The following KCNK15 variants were observed in gnomAD, a reference collection of about 807,000 sequenced individuals.
KCNK15 encodes potassium channel subfamily K member 15.
KCNK15 carries 9 observed loss-of-function variants against 8.5 expected under a neutral mutation model. The observed-to-expected ratio is 1.06, with a 90% CI of 0.64 to 1.85. The LOEUF (loss-of-function observed/expected upper bound fraction) is 1.85. Ranked by LOEUF, KCNK15 falls within the 40% of genes most tolerant of loss-of-function variation. The pLI is 0.00. For missense variants in KCNK15, 467 were observed against 476.8 expected (o/e 0.98, Z 0.19); for synonymous variants, 224 against 232.7 (o/e 0.96, Z 0.34).
chr20:44,745,955 C>A lies in KCNK15; in HGVS notation c.45C>A (p.Thr15=). The A allele has an allele frequency of 6.9e-7, 1 of 1,445,864 alleles. No homozygotes were observed. The highest frequency in any genetic ancestry group is 9.1e-7 in the Non-Finnish European group (1 of 1,098,392). 89.6% of individuals were successfully genotyped at this position (1,445,864 alleles called of 1,614,324 possible). Residue 15 remains threonine (T), a synonymous_variant, in exon 1 of 2, where the codon ACC becomes ACA. Coordinates refer to ENST00000372861, the MANE Select transcript of KCNK15 (RefSeq NM_022358.4). ...GCGCGGCCGGGCTGGTCCTGTGCAC[C>A]CTGTGTTACCTGCTGGTGGGCGCTG... ...SVRAAGLVLC[T]LCYLLVGAAV...
At position 44,750,627 on chromosome 20, in the gene KCNK15, C is replaced by CTA; in HGVS notation, c.782_783insTA (p.Ser262ThrfsTer104). The CTA allele has an allele frequency of 6.3e-7, 1 of 1,586,962 alleles. No homozygotes were observed. The highest frequency in any genetic ancestry group is 8.5e-7 in the Non-Finnish European group (1 of 1,172,766). ...TGGCCCGAGCGCGCTGCCCGCACCC[C>CTA]CAGCCCGCGCCCCCCGGGGGCGCCC... is the stretch of plus-strand genomic sequence containing the variant. On this transcript the variant is annotated frameshift_variant, in exon 2 of 2. Transcript: ENST00000372861. LOFTEE classifies it low-confidence loss of function (END_TRUNC).
Position 44,746,105 on chromosome 20 carries a change from G to A in KCNK15, c.195G>A (p.Leu65=). The A allele has an allele frequency of 6.7e-7, 1 of 1,500,260 alleles. No homozygotes were observed. The highest frequency in any genetic ancestry group is 2.7e-5 in the East Asian group (1 of 37,328). 92.9% of individuals were successfully genotyped at this position (1,500,260 alleles called of 1,614,324 possible). ...SAEDYRELER[L]ALQAEPHRAG... Reference sequence around the variant, plus strand: ...AGGACTACCGCGAGCTGGAGCGCCTGGCGCTCCAGGCTGAGCCCCACCGCG... The same window carrying A: ...AGGACTACCGCGAGCTGGAGCGCCTAGCGCTCCAGGCTGAGCCCCACCGCG... The change falls in exon 1 of 2, where the codon CTG becomes CTA. Residue 65 remains leucine (L), a synonymous_variant. Coordinates refer to ENST00000372861, the MANE Select transcript of KCNK15 (RefSeq NM_022358.4).
intron 1 of KCNK15, chr20:44,747,092 A>G (rs540166256): frequency 6.6e-6 from 1 of 152,370 alleles, no homozygotes; most frequent in African/African-American, 2.4e-5. Context: ...GGCTTGGATC[A>G]CCAGTCCGAA....
intron 1 of KCNK15, among the ~76,000 whole-genome samples, chr20:44,747,437 C>A (rs1388174205): frequency 1.3e-5 from 2 of 152,172 alleles, no homozygotes; most frequent in Admixed American, 1.3e-4. Flanking sequence ...AGCTCTTATT[C>A]AGCTCTTTTG....
Position 44,750,169 on chromosome 20 carries a change from C to T in KCNK15, c.324C>T (p.Val108=), listed in dbSNP as rs773432494. Residue 108 remains valine, a synonymous_variant, in exon 2 of 2, where the codon GTC becomes GTT. Transcript: ENST00000372861. ...CGCCGGGTACGGACTCCGGCAAGGTCTTCTGCATGTTCTACGCGCTCCTGG... is the reference window on the plus strand; with the variant it reads ...CGCCGGGTACGGACTCCGGCAAGGTTTTCTGCATGTTCTACGCGCTCCTGG... The part of the protein sequence containing the change: ...HAAPGTDSGK[V]FCMFYALLGI... 1 of 1,612,642 alleles carries T rather than the reference C, an allele frequency of 6.2e-7. No individual in the cohort carries two copies. The highest frequency in any genetic ancestry group is 2.2e-5 in the East Asian group (1 of 44,864).
Position 44,751,445 on chromosome 20 carries a change from CCCA to C in KCNK15, c.*609_*611del, listed in dbSNP as rs1179228354. 7 of 152,336 alleles carry C rather than the reference CCCA, an allele frequency of 4.6e-5. No homozygotes were observed. Among genetic ancestry groups the C allele is most frequent in the African/African-American group, 1.7e-4 (7 of 41,436 alleles). The allele number at this position is 152,336 out of a possible 1,614,324, so 9.4% of individuals were successfully genotyped here. A position where few individuals can be genotyped will look rare whatever the true frequency, so the allele number is the denominator to read the frequency against. The stretch of plus-strand genomic sequence containing the variant: ...CTGATGCTCTTTGTCCCTGGCCAGC[CCCA>C]CTTCAGGATGAGGGAGGCCTTGCTG... On this transcript the variant is annotated 3_prime_UTR_variant, in exon 2 of 2. Coordinates refer to ENST00000372861, the MANE Select transcript of KCNK15 (RefSeq NM_022358.4).
At chr20:44,747,463 A>G (rs981170937) in intron 1 of KCNK15, among the ~76,000 whole-genome samples, 2 of 152,146 alleles carry the variant, frequency 1.3e-5, no homozygotes, top group Admixed American at 1.3e-4. Context: ...TCCTGTCCAC[A>G]TGGACACCCC....
chr20:44,748,838 T>G (rs1221548224), intron 1 of KCNK15, among the ~76,000 whole-genome samples: 1 of 152,184 alleles, frequency 6.6e-6, no homozygotes, highest in Non-Finnish European at 1.5e-5. Context: ...ACTCTCTAGA[T>G]GCCAGTAGCA....
chr20:44,751,028 G>A lies in KCNK15; in HGVS notation c.*190G>A. The stretch of plus-strand genomic sequence containing the variant: ...AAAATATATTACAGTCACACCATAA[G>A]CACAAACCAGGCTCCAGGGTCACCC... On this transcript the variant is annotated 3_prime_UTR_variant, in exon 2 of 2. Transcript: ENST00000372861. The A allele has an allele frequency of 2.4e-6, 1 of 425,510 alleles. No individual in the cohort carries two copies. The highest frequency in any genetic ancestry group is 2.1e-5 in the African/African-American group (1 of 48,014). 26.4% of individuals were successfully genotyped at this position (425,510 alleles called of 1,614,324 possible).
intron 1 of KCNK15, among the ~76,000 whole-genome samples, chr20:44,748,600 T>A (rs2066016613): frequency 6.6e-6 from 1 of 152,222 alleles, no homozygotes; most frequent in Non-Finnish European, 1.5e-5. Context: ...CTGGATATAT[T>A]CTCTGCCTAT....
At position 44,750,699 on chromosome 20, in the gene KCNK15, G is replaced by C. The variant is rs757819375; in HGVS notation, c.854G>C (p.Gly285Ala). Residue 285 changes from glycine to alanine, a missense_variant, in exon 2 of 2, where the codon GGC (glycine) becomes GCC (alanine). By Grantham distance (60) the Gly-to-Ala change is moderately conservative. Transcript: ENST00000372861. ...WLPRRPARSV[G>A]SASVFCHVHK... ...CCCCGCCGCCCGGCCCGCTCCGTGG[G>C]CTCCGCCTCTGTCTTCTGCCACGTG... is the stretch of plus-strand genomic sequence containing the variant. The C allele has an allele frequency of 1.3e-5, 20 of 1,503,038 alleles. 1 individual carries two copies. The highest frequency in any genetic ancestry group is 6.2e-5 in the South Asian group (5 of 80,586). The allele number at this position is 1,503,038 out of a possible 1,614,324, so 93.1% of individuals were successfully genotyped here. A position where few individuals can be genotyped will look rare whatever the true frequency, so the allele number is the denominator to read the frequency against.
chr20:44,750,345 G>T lies in KCNK15; in HGVS notation c.500G>T (p.Cys167Phe). ...CTGGTGGTGGCCGGGCTGCTGGCGT[G>T]TGCCGCCACCCTGGCCCTCGGGGCC... is the stretch of plus-strand genomic sequence containing the variant. ...ENLVVAGLLA[C>F]AATLALGAVA... The change falls in exon 2 of 2, where the codon TGT becomes TTT. Residue 167 changes from cysteine to phenylalanine, a missense_variant. Physicochemically the swap from Cys to Phe is radical, Grantham distance 205 (BLOSUM62 -2). Transcript: ENST00000372861. The T allele has an allele frequency of 6.2e-7, 1 of 1,612,306 alleles. No homozygotes were observed. Among genetic ancestry groups the T allele is most frequent in the Non-Finnish European group, 8.5e-7 (1 of 1,179,568 alleles).
rs1458292650 is a variant in KCNK15, at chr20:44,750,035, G to A, written c.284-94G>A. ...GAGATGCCCTTCCAGCCCCGGGGAC[G>A]GGGAGGGACACGCCGGGCAGGCAGG... is the stretch of plus-strand genomic sequence containing the variant. On this transcript the variant is annotated intron_variant, in intron 1 of 1. Coordinates refer to ENST00000372861, the MANE Select transcript of KCNK15 (RefSeq NM_022358.4). 3.4e-6 allele frequency: 4 copies of A among 1,178,696 alleles called. No homozygotes were observed. In the East Asian group the frequency reaches 7.6e-5, roughly 22 times the overall value. 73.0% of individuals were successfully genotyped at this position (1,178,696 alleles called of 1,614,324 possible).
At position 44,750,680 on chromosome 20, in the gene KCNK15, C is replaced by T. The variant is rs529004382; in HGVS notation, c.835C>T (p.Arg279Cys). Residue 279 changes from arginine to cysteine, a missense_variant, in exon 2 of 2, where the codon CGC (arginine) becomes TGC (cysteine). Physicochemically the swap from Arg to Cys is radical, Grantham distance 180. Transcript: ENST00000372861. Reference protein sequence around the residue: ...PESRGLWLPRRPARSVGSASV... With the variant: ...PESRGLWLPRCPARSVGSASV... ...GAGCCGTGGCCTCTGGCTGCCCCGC[C>T]GCCCGGCCCGCTCCGTGGGCTCCGC... is the stretch of plus-strand genomic sequence containing the variant. 1,084 of 1,481,296 alleles carry T rather than the reference C, an allele frequency of 7.3e-4. 13 individuals are homozygous for T. In the South Asian group the frequency reaches 0.013, roughly 18 times the overall value. The allele number at this position is 1,481,296 out of a possible 1,614,324, so 91.8% of individuals were successfully genotyped here. A position where few individuals can be genotyped will look rare whatever the true frequency, so the allele number is the denominator to read the frequency against.
At chr20:44,747,635 G>A (rs1323473396) in intron 1 of KCNK15, among the ~76,000 whole-genome samples, 1 of 152,254 alleles carries the variant, frequency 6.6e-6, no homozygotes, top group East Asian at 1.9e-4. Flanking sequence ...ACGTCTGGGA[G>A]GCTGATGTAA....
chr20:44,750,411 CCTA>C lies in KCNK15; in HGVS notation c.575_577del (p.Tyr192del), dbSNP rs1213460506. 3 of 1,613,908 alleles carry C rather than the reference CCTA, an allele frequency of 1.9e-6. No individual in the cohort carries two copies. Among genetic ancestry groups the C allele is most frequent in the East Asian group, 2.2e-5 (1 of 44,890 alleles). ...TTCGAGGGCTGGACCTTCTTCCACG[CCTA>C]CTACTACTGCTTCATCACCCTCACC... On this transcript the variant is annotated inframe_deletion, in exon 2 of 2. Coordinates refer to ENST00000372861, the MANE Select transcript of KCNK15 (RefSeq NM_022358.4).
In KCNK15 at chr20:44,746,088, C is replaced by A. The variant is rs752597034; in HGVS notation, c.178C>A (p.Arg60Ser). ...RKFGFSAEDY[R>S]ELERLALQAE... is the part of the protein sequence containing the mutation. ...GTTCGGCTTCTCGGCCGAGGACTAC[C>A]GCGAGCTGGAGCGCCTGGCGCTCCA... is the stretch of plus-strand genomic sequence containing the variant. Residue 60 changes from arginine (R) to serine (S), a missense_variant, in exon 1 of 2, where the codon CGC (arginine) becomes AGC (serine). Around this residue, in one of 2 missense-constraint regions of KCNK15, gnomAD observed 455 missense variants for 441.2 expected, o/e 1.03. Coordinates refer to ENST00000372861, the MANE Select transcript of KCNK15 (RefSeq NM_022358.4). The A allele has an allele frequency of 5.9e-6, 9 of 1,534,568 alleles. No homozygotes were observed. The Middle Eastern group carries it at 5.9e-4, about 100-fold the overall frequency.
chr20:44,746,370 C>G (rs2066008065), intron 1 of KCNK15, among the ~76,000 whole-genome samples, 177 bp downstream of exon 1: 2 of 152,330 alleles, frequency 1.3e-5, no homozygotes, highest in African/African-American at 4.8e-5. Flanking sequence ...CTCCTTTGCC[C>G]CCCTCTGCTG....
At position 44,750,966 on chromosome 20, in the gene KCNK15, A is replaced by T. The variant is rs2066029415; in HGVS notation, c.*128A>T. 3 of 601,396 alleles carry T rather than the reference A, an allele frequency of 5.0e-6. No homozygotes were observed. Among genetic ancestry groups the T allele is most frequent in the Middle Eastern group, 7.4e-4 (2 of 2,702 alleles). The allele number at this position is 601,396 out of a possible 1,614,324, so 37.3% of individuals were successfully genotyped here. ...GGTCTTCTGCCACGAGCAGTTTCTCATTACTGTCTGTGGCTAAGTCCCCTC... is the reference window on the plus strand; with the variant it reads ...GGTCTTCTGCCACGAGCAGTTTCTCTTTACTGTCTGTGGCTAAGTCCCCTC... On this transcript the variant is annotated 3_prime_UTR_variant, in exon 2 of 2. Coordinates refer to ENST00000372861, the MANE Select transcript of KCNK15 (RefSeq NM_022358.4).
Sources: allele counts gnomAD v4.1 joint callset (sites outside exome capture counted in the v4.1 genomes callset), GRCh38; gene constraint gnomAD v4.1.1; regional missense constraint gnomAD v4.1.1; transcripts MANE v1.5; gene names NCBI Gene and HGNC (gene_info 2026-07-23, HGNC 2026-07-21).